The following SEC11A variants were observed in gnomAD, a reference collection of about 807,000 sequenced individuals.
The protein encoded by SEC11A is signal peptidase complex catalytic subunit SEC11A.
In SEC11A, 14 loss-of-function variants were observed where a neutral mutation model predicts 25.6. The observed-to-expected ratio is 0.55, with a 90% CI of 0.36 to 0.85. SEC11A has a LOEUF of 0.85. SEC11A is among the 40% of genes least tolerant of loss of function. SEC11A has a pLI of 0.01. For synonymous variants in SEC11A, 83 were observed against 76.4 expected (o/e 1.09, Z -0.45); for missense variants, 153 against 222.9 (o/e 0.69, Z 2.00).
chr15:84,705,781 G>A (rs968462233), intron 1 of SEC11A, among the ~76,000 whole-genome samples: 5 of 151,616 alleles, frequency 3.3e-5, no homozygotes, highest in Non-Finnish European at 5.9e-5. Flanking sequence ...CTTGAACCCA[G>A]GAGGCAGAAG....
chr15:84,694,972 T>C (rs8031332), intron 1 of SEC11A, among the ~76,000 whole-genome samples: 124,435 of 150,998 alleles, frequency 0.82, 51,448 homozygotes, highest in East Asian at 0.94. Context: ...TGCCTGTAAT[T>C]CCAGCTACTC....
intron 1 of SEC11A, among the ~76,000 whole-genome samples, chr15:84,704,748 G>T (rs1270007287): frequency 6.6e-6 from 1 of 152,084 alleles, no homozygotes; most frequent in Admixed American, 6.6e-5. Flanking sequence ...TCTGGCAAAT[G>T]GTATTGCCAT....
rs547574952 is a variant in SEC11A, at chr15:84,704,308, A to G, written c.51+11717T>C. 3.2e-3 allele frequency among the ~76,000 whole-genome samples: 480 copies of G among 152,304 alleles called. 5 individuals carry two copies. Among genetic ancestry groups the G allele is most frequent in the African/African-American group, 0.011 (470 of 41,566 alleles). On this transcript the variant is annotated intron_variant, in intron 1 of 5. Transcript: ENST00000268220. ...AGGGGGACTTACTTTATAGCAACTA[A>G]AACACAGCAGTGGACAAGCAGTCAT... is the stretch of plus-strand genomic sequence containing the variant.
chr15:84,680,248 C>A (rs1167999610), intron 4 of SEC11A, among the ~76,000 whole-genome samples: 1 of 151,132 alleles, frequency 6.6e-6, no homozygotes, highest in Non-Finnish European at 1.5e-5. Flanking sequence ...CTGCAGTGAG[C>A]TGAGATCGCG....
chr15:84,681,617 G>C (rs576623770), intron 3 of SEC11A, among the ~76,000 whole-genome samples: 1 of 152,076 alleles, frequency 6.6e-6, no homozygotes, highest in East Asian at 1.9e-4. Flanking sequence ...GCGACAGAGC[G>C]AGACTCCATC....
chr15:84,688,036 G>A (rs77543363), intron 2 of SEC11A, among the ~76,000 whole-genome samples: 434 of 152,152 alleles, frequency 2.9e-3, no homozygotes, highest in African/African-American at 8.8e-3. Flanking sequence ...CTTAAATCTT[G>A]AAAAGGTCAG....
At chr15:84,671,038 G>C (rs1896970770) in intron 4 of SEC11A, 1 of 300,434 alleles carries the variant, frequency 3.3e-6, no homozygotes, top group South Asian at 6.6e-5. Context: ...GCACCAGATA[G>C]AGCCAAGGTC....
At chr15:84,678,240 A>G (rs2141875476) in intron 4 of SEC11A, among the ~76,000 whole-genome samples, 1 of 152,184 alleles carries the variant, frequency 6.6e-6, no homozygotes, top group East Asian at 1.9e-4. Flanking sequence ...AAGAAAAGAA[A>G]AAAAAAAGAA....
intron 4 of SEC11A, chr15:84,670,989 A>C (rs911219858): frequency 3.0e-5 from 12 of 403,482 alleles, no homozygotes; most frequent in Non-Finnish European, 4.5e-5. Flanking sequence ...GAAACAGATG[A>C]TCATGCCCAA....
intron 2 of SEC11A, among the ~76,000 whole-genome samples, chr15:84,689,098 G>A (rs1408104449): frequency 9.2e-5 from 14 of 151,858 alleles, no homozygotes; most frequent in African/African-American, 2.4e-4. Context: ...GGCCAGGCAC[G>A]ATGGTTCAAG....
chr15:84,706,091 G>C (rs972497059), intron 1 of SEC11A, among the ~76,000 whole-genome samples: 2 of 151,748 alleles, frequency 1.3e-5, no homozygotes, highest in African/African-American at 4.8e-5. Context: ...ATTTTTAGTG[G>C]AGACGGGGTT....
At chr15:84,685,518 C>A (rs1324894564) in intron 3 of SEC11A, among the ~76,000 whole-genome samples, 1 of 151,930 alleles carries the variant, frequency 6.6e-6, no homozygotes, top group Admixed American at 6.6e-5. Context: ...AAGCACTCCA[C>A]CCGCCTCAGC....
In SEC11A at chr15:84,670,051, G is replaced by A. The variant is rs369239188; in HGVS notation, c.508C>T (p.Leu170=). 82 of 1,612,788 alleles carry A rather than the reference G, an allele frequency of 5.1e-5. No individual in the cohort carries two copies. The Middle Eastern group carries it at 1.2e-3, about 23-fold the overall frequency. The change falls in exon 6 of 6, where the codon CTG becomes TTG. Residue 170 remains leucine (L), a synonymous_variant. Coordinates refer to ENST00000268220, the MANE Select transcript of SEC11A (RefSeq NM_014300.4). ...CGATGAACCAGCACGAATAAACCCA[G>A]CAAAAAGAGAACTGCATACTAGAAA... ...PKFKYAVLFL[L]GLFVLVHRE
intron 5 of SEC11A, 136 bp from the exon 6 acceptor site, chr15:84,670,205 C>A: frequency 1.4e-6 from 1 of 734,720 alleles, no homozygotes; most frequent in Non-Finnish European, 2.1e-6. Flanking sequence ...AACTATAATC[C>A]ATTTAAAAGT....
chr15:84,686,317 A>G lies in SEC11A; in HGVS notation c.311+1308T>C, dbSNP rs540568325. On this transcript the variant is annotated intron_variant, in intron 3 of 5. Transcript: ENST00000268220. ...TGGTTGACAGTTTCCTCTTCTTTCA[A>G]GAACTGAAATCCACCAGGTGCAATG... Among the ~76,000 whole-genome samples, 282 of 152,344 alleles carry G rather than the reference A, an allele frequency of 1.9e-3. 1 individual carries two copies. Among genetic ancestry groups the G allele is most frequent in the Non-Finnish European group, 2.9e-3 (194 of 68,030 alleles).
chr15:84,715,900 C>G (rs1003379234), intron 1 of SEC11A, 125 bp downstream of exon 1: 1 of 866,236 alleles, frequency 1.2e-6, no homozygotes, highest in Admixed American at 2.4e-5. Flanking sequence ...CCAAAGAAAG[C>G]GAATGACCCG....
chr15:84,715,727 C>A (rs1898441549), intron 1 of SEC11A, among the ~76,000 whole-genome samples: 1 of 152,310 alleles, frequency 6.6e-6, no homozygotes, highest in South Asian at 2.1e-4. Flanking sequence ...CAATAAGCAA[C>A]CCCAACTCCC....
At chr15:84,689,156 A>C (rs182585975) in intron 2 of SEC11A, among the ~76,000 whole-genome samples, 2 of 151,968 alleles carry the variant, frequency 1.3e-5, no homozygotes, top group Non-Finnish European at 2.9e-5. Flanking sequence ...ATCACTTGAG[A>C]TCAGGAGTTC....
chr15:84,694,234 A>T (rs1897693222), intron 1 of SEC11A, among the ~76,000 whole-genome samples: 1 of 152,076 alleles, frequency 6.6e-6, no homozygotes, highest in South Asian at 2.1e-4. Context: ...ACATGCCTGT[A>T]ATCCCAGCTA....
Sources: gnomAD v4.1 joint callset for allele counts (sites outside exome capture counted in the v4.1 genomes callset) on GRCh38, gnomAD v4.1.1 for gene constraint, MANE v1.5 for transcripts, NCBI Gene and HGNC (gene_info 2026-07-23, HGNC 2026-07-21) for gene names.